Variants in TMEM223 observed in about 807,000 individuals in gnomAD.
TMEM223 encodes the protein transmembrane protein 223.
Under a neutral mutation model 14.1 loss-of-function variants are expected in TMEM223, and 14 were observed. The observed-to-expected ratio is 0.99, with a 90% CI of 0.66 to 1.55. The LOEUF is 1.55. Among genes scored for constraint, TMEM223 ranks in the 40% most tolerant of loss-of-function variants. The pLI is 0.00. For synonymous variants in TMEM223, 145 were observed against 120.5 expected, an observed-to-expected ratio of 1.20 and a Z score of -1.33; for missense variants, 346 against 269.9, an observed-to-expected ratio of 1.28 and a Z score of -1.97.
chr11:62,780,768 CT>C (rs1320714136), intron 1 of TMEM223, among the ~76,000 whole-genome samples: 4 of 143,412 alleles, frequency 2.8e-5, no homozygotes, highest in Admixed American at 7.2e-5. Flanking sequence ...CGTTGGATAT[CT>C]ACTAAAAATA....
chr11:62,774,698 C>T (rs1223065902), intron 1 of TMEM223: 1 of 454,470 alleles, frequency 2.2e-6, no homozygotes. Flanking sequence ...CATTTAGGCA[C>T]TGCAGCCAAA....
chr11:62,777,895 C>G (rs1196982737), intron 1 of TMEM223: 33 of 1,514,462 alleles, frequency 2.2e-5, no homozygotes, highest in Non-Finnish European at 2.8e-5. Flanking sequence ...GCTCTCTGCT[C>G]TGGTCAGTGG....
At chr11:62,778,213 G>A (rs2084201513) in intron 1 of TMEM223, 2 of 1,613,538 alleles carry the variant, frequency 1.2e-6, no homozygotes, top group African/African-American at 2.7e-5. Context: ...GGAAGAGGCA[G>A]AACTTGGAGG....
At chr11:62,772,874 T>G (rs2084159454) in intron 2 of TMEM223, among the ~76,000 whole-genome samples, 1 of 151,708 alleles carries the variant, frequency 6.6e-6, no homozygotes, top group East Asian at 1.9e-4. Flanking sequence ...TTTGTTTTTG[T>G]TTTTTGTTTT....
downstream of TMEM223, chr11:62,789,020 C>T: frequency 6.2e-7 from 1 of 1,609,568 alleles, no homozygotes; most frequent in Non-Finnish European, 8.5e-7. Context: ...CTTCTCTCCA[C>T]AGGGCTCCTT....
intron 1 of TMEM223, chr11:62,775,618 C>G: frequency 2.6e-6 from 2 of 775,558 alleles, no homozygotes; most frequent in Non-Finnish European, 4.0e-6. Context: ...GTTTCCTTCT[C>G]TGAGCCTCAC....
downstream of TMEM223, chr11:62,787,830 A>C: frequency 1.5e-6 from 1 of 656,776 alleles, no homozygotes; most frequent in Non-Finnish European, 2.8e-6. Flanking sequence ...TCCGAAACAG[A>C]AGTCAGTGCA....
downstream of TMEM223, among the ~76,000 whole-genome samples, chr11:62,782,990 T>C (rs1208062777): frequency 1.3e-5 from 2 of 152,250 alleles, no homozygotes; most frequent in African/African-American, 4.8e-5. Flanking sequence ...TGAATGTAAA[T>C]GTCTTATCCT....
chr11:62,772,595 C>T (rs1307856405), intron 2 of TMEM223, among the ~76,000 whole-genome samples: 1 of 150,322 alleles, frequency 6.7e-6, no homozygotes, highest in African/African-American at 2.4e-5. Context: ...CTTTGGAGGC[C>T]GAGGTGGGCG....
intron 1 of TMEM223, chr11:62,778,347 T>G (rs1404390865): frequency 5.0e-6 from 8 of 1,614,090 alleles, no homozygotes; most frequent in Non-Finnish European, 6.8e-6. Context: ...TAAGGGGTGA[T>G]GTAGGAAACA....
chr11:62,774,517 A>G (rs3017668), intron 2 of TMEM223: 22,410 of 451,822 alleles, frequency 0.05, 1,190 homozygotes, highest in African/African-American at 0.18. Flanking sequence ...AGTGGGGGCA[A>G]TGCCTGGGTG....
chr11:62,787,291 C>T (rs763518697), downstream of TMEM223: 3 of 1,540,182 alleles, frequency 1.9e-6, no homozygotes, highest in African/African-American at 1.4e-5. Context: ...GTACTTGCCG[C>T]TCTGAGTCAG....
chr11:62,783,506 G>A (rs2084246221), downstream of TMEM223, among the ~76,000 whole-genome samples: 1 of 149,900 alleles, frequency 6.7e-6, no homozygotes, highest in African/African-American at 2.4e-5. Flanking sequence ...GTTAGGTGTT[G>A]CCACTGTGAT....
chr11:62,782,525 G>C, downstream of TMEM223: 1 of 1,093,740 alleles, frequency 9.1e-7, no homozygotes, highest in Admixed American at 2.5e-5. Context: ...CCAAGGTATT[G>C]GTTCTTCAGC....
downstream of TMEM223, chr11:62,786,414 C>T: frequency 1.2e-6 from 2 of 1,607,576 alleles, no homozygotes; most frequent in Non-Finnish European, 1.7e-6. Context: ...TTCCAGCCTC[C>T]CTTCCCTGCA....
At chr11:62,787,540 GGCGGGGTCAGGTAGGCGGGGGA>G (rs1282108496), downstream of TMEM223, 1 of 1,547,106 alleles carries the variant, frequency 6.5e-7, no homozygotes, top group Admixed American at 1.9e-5. Flanking sequence ...GCGGCTGCGG[GGCGGGGTCAGGTAGGCGGGGGA>G]GCTGGCCGGT....
intron 2 of TMEM223, among the ~76,000 whole-genome samples, chr11:62,773,294 C>T (rs1263672003): frequency 1.3e-5 from 2 of 150,354 alleles, no homozygotes; most frequent in African/African-American, 4.9e-5. Flanking sequence ...ACTACAGGCG[C>T]GGACCACCAT....
At position 62,789,973 on chromosome 11, in the gene TMEM223, C is replaced by T. The variant is rs371491996; in HGVS notation, c.*650G>A. The stretch of plus-strand genomic sequence containing the variant: ...GAAGTCTGAAGCCACCCCATACCGG[C>T]CTCTGGAGAGGGGTGACCCTGAGTG... On this transcript the variant is annotated 3_prime_UTR_variant, in exon 2 of 2. Coordinates refer to ENST00000307366, the MANE Select transcript of TMEM223 (RefSeq NM_001080501.3). 1.4e-5 allele frequency: 22 copies of T among 1,613,988 alleles called. No homozygotes were observed. Among genetic ancestry groups the T allele is most frequent in the Non-Finnish European group, 1.9e-5 (22 of 1,180,028 alleles).
chr11:62,791,215 G>C (rs1375570755), intron 1 of TMEM223, among the ~76,000 whole-genome samples: 1 of 152,068 alleles, frequency 6.6e-6, no homozygotes, highest in African/African-American at 2.4e-5. Flanking sequence ...GCAGCCCTCA[G>C]CCTAGGCTAT....
Sources: allele counts gnomAD v4.1 joint callset (sites outside exome capture counted in the v4.1 genomes callset), GRCh38; gene constraint gnomAD v4.1.1; transcripts MANE v1.5; gene names NCBI Gene and HGNC (gene_info 2026-07-23, HGNC 2026-07-21).